KRTAP1-5: variants seen among roughly 807,000 people sequenced by gnomAD.
KRTAP1-5 encodes keratin-associated protein 1-5.
A neutral mutation model predicts 14.2 loss-of-function variants in KRTAP1-5; 10 were observed. The ratio of observed to expected loss-of-function variants is 0.70; its 90% CI spans 0.43 to 1.19. The LOEUF is 1.19. Among genes scored for constraint, KRTAP1-5 ranks in the 50% most tolerant of loss-of-function variants. The pLI is 0.00. For synonymous variants in KRTAP1-5, 107 were observed against 80.2 expected (o/e 1.33, Z -1.79); for missense variants, 234 against 223.5 (o/e 1.05, Z -0.30).
chr17:41,026,706 C>T lies in KRTAP1-5; in HGVS notation c.450G>A (p.Gln150=). 1.2e-6 allele frequency: 2 copies of T among 1,613,784 alleles called. No individual in the cohort carries two copies. The highest frequency in any genetic ancestry group is 1.7e-6 in the Non-Finnish European group (2 of 1,179,972). ...AGTAGGACGGGCGGCAGCAGGAGGC[C>T]TGGGCATGGTGCAGTTGGCAGCAGG... ...PPSCCQLHHA[Q]ASCCRPSYCG... The change falls in exon 1 of 1, where the codon CAG becomes CAA. Residue 150 remains glutamine (Q), a synonymous_variant. Transcript: ENST00000361883.
At chr17:41,026,769 G>T in the KRTAP1-5 span, 3 of 1,613,516 alleles carry the variant, frequency 1.9e-6, no homozygotes, top group Non-Finnish European at 2.5e-6. Flanking sequence ...AGGGGGGTAG[G>T]TAGGTGCCCT....
chr17:41,027,061 G>C lies in KRTAP1-5; in HGVS notation c.95C>G (p.Thr32Ser), dbSNP rs148449559. ...GCAGCTGCGTGGCTGGCAGCAGCTG[G>C]TCTCACAGCAGCTTGGCTGGCAGCA... ...SSCCQPSCCETSCCQPRSCQT... is the reference protein window; with the variant it reads ...SSCCQPSCCESSCCQPRSCQT... Residue 32 changes from threonine (T) to serine (S), a missense_variant, in exon 1 of 1, where the codon ACC becomes AGC. Transcript: ENST00000361883. The C allele has an allele frequency of 9.1e-4, 1,469 of 1,612,348 alleles. 15 individuals are homozygous for C. In the African/African-American group the frequency reaches 0.017, roughly 19 times the overall value.
chr17:41,026,890 C>T lies in KRTAP1-5; in HGVS notation c.266G>A (p.Ser89Asn), dbSNP rs777636765. The change falls in exon 1 of 1, where the codon AGC (serine) becomes AAC (asparagine). Residue 89 changes from serine to asparagine, a missense_variant. Transcript: ENST00000361883. ...AATGCCACAGCCAGTTCCGCAGGAG[C>T]TGATCTGGCAGCAGCTTGGCTGGCA... ...SCCQPSCCQISSCGTGCGIGG... is the reference protein window; with the variant it reads ...SCCQPSCCQINSCGTGCGIGG... The T allele has an allele frequency of 3.3e-5, 53 of 1,612,808 alleles. No homozygotes were observed. In the East Asian group the frequency reaches 1.2e-3, roughly 35 times the overall value.
chr17:41,026,605 G>A lies in KRTAP1-5; in HGVS notation c.*26C>T. ...ACAGTTCAGAGACACTGTGACCTAG[G>A]CAATTGAAAATAAGCAAACTGGCTT... On this transcript the variant is annotated 3_prime_UTR_variant, in exon 1 of 1. Transcript: ENST00000361883. 4 of 1,573,406 alleles carry A rather than the reference G, an allele frequency of 2.5e-6. No individual in the cohort carries two copies. Among genetic ancestry groups the A allele is most frequent in the Non-Finnish European group, 3.5e-6 (4 of 1,157,248 alleles).
chr17:41,026,763 GGGTA>G, the KRTAP1-5 span: 8 of 1,613,426 alleles, frequency 5.0e-6, no homozygotes, highest in African/African-American at 1.1e-4. Flanking sequence ...CACAGCAGGG[GGGTA>G]GGTAGGTGCC....
chr17:41,026,568 G>T lies in KRTAP1-5; in HGVS notation c.*63C>A. On this transcript the variant is annotated 3_prime_UTR_variant, in exon 1 of 1. Transcript: ENST00000361883. ...AGAACTTGTTAGTGGTCCAGAGGTG[G>T]TCAAGGGATGAACAGTTCAGAGACA... The T allele has an allele frequency of 1.3e-6, 2 of 1,525,194 alleles. No homozygotes were observed. Among genetic ancestry groups the T allele is most frequent in the Non-Finnish European group, 1.8e-6 (2 of 1,129,362 alleles). The allele number at this position is 1,525,194 out of a possible 1,614,324, so 94.5% of individuals were successfully genotyped here. A position where few individuals can be genotyped will look rare whatever the true frequency, so the allele number is the denominator to read the frequency against.
chr17:41,026,928 ACAGCAGCTTGGCTGG>A lies in KRTAP1-5; in HGVS notation c.213_227del (p.Gln72_Cys76del). 6.2e-7 allele frequency: 1 copy of A among 1,611,994 alleles called. No individual in the cohort carries two copies. Among genetic ancestry groups the A allele is most frequent in the Non-Finnish European group, 8.5e-7 (1 of 1,179,560 alleles). Reference sequence around the variant, plus strand: ...AGCTTGGCTGGCAGCAGCTGGTCTCACAGCAGCTTGGCTGGCAGCAGCTGGTCTCACAGCAGCTTG... The same window carrying A: ...AGCTTGGCTGGCAGCAGCTGGTCTCACAGCAGCTGGTCTCACAGCAGCTTG... On this transcript the variant is annotated inframe_deletion, in exon 1 of 1. Transcript: ENST00000361883.
At position 41,027,052 on chromosome 17, in the gene KRTAP1-5, C is replaced by T. The variant is rs62623375; in HGVS notation, c.104G>A (p.Cys35Tyr). The T allele has an allele frequency of 0.031, 50,310 of 1,613,340 alleles. 2,510 individuals carry two copies. Among genetic ancestry groups the T allele is most frequent in the East Asian group, 0.17 (7,744 of 44,822 alleles). Residue 35 changes from cysteine to tyrosine, a missense_variant, in exon 1 of 1, where the codon TGC (cysteine) becomes TAC (tyrosine). By Grantham distance (194) the Cys-to-Tyr change is radical. Transcript: ENST00000361883. ...GCTAGTCTGGCAGCTGCGTGGCTGGCAGCAGCTGGTCTCACAGCAGCTTGG... is the reference window on the plus strand; with the variant it reads ...GCTAGTCTGGCAGCTGCGTGGCTGGTAGCAGCTGGTCTCACAGCAGCTTGG... Reference protein sequence around the residue: ...CQPSCCETSCCQPRSCQTSFC... With the variant: ...CQPSCCETSCYQPRSCQTSFC...
rs1394009604 is a variant in KRTAP1-5 at position 41,026,463 on chromosome 17, G to C, written c.*168C>G. 1 of 708,040 alleles carries C rather than the reference G, an allele frequency of 1.4e-6. No homozygotes were observed. Among genetic ancestry groups the C allele is most frequent in the Non-Finnish European group, 2.3e-6 (1 of 437,012 alleles). The allele number at this position is 708,040 out of a possible 1,614,324, so 43.9% of individuals were successfully genotyped here. On this transcript the variant is annotated 3_prime_UTR_variant, in exon 1 of 1. Transcript: ENST00000361883. ...TCTGTGTCCCCAGTGAAGGGTCAAG[G>C]TATTCATTGTAGAATGGAATCAGAT...
chr17:41,026,717 G>A lies in KRTAP1-5; in HGVS notation c.439C>T (p.His147Tyr). 1 of 1,613,824 alleles carries A rather than the reference G, an allele frequency of 6.2e-7. No homozygotes were observed. ...SCTPPSCCQLHHAQASCCRPS... is the reference protein window; with the variant it reads ...SCTPPSCCQLYHAQASCCRPS... ...CGGCAGCAGGAGGCCTGGGCATGGT[G>A]CAGTTGGCAGCAGGATGGGGGCGTG... Residue 147 changes from histidine (H) to tyrosine (Y), a missense_variant, in exon 1 of 1, where the codon CAC (histidine) becomes TAC (tyrosine). His to Tyr is a moderately conservative substitution (Grantham distance 83). Transcript: ENST00000361883.
Position 41,026,659 on chromosome 17 carries a change from G to A in KRTAP1-5, c.497C>T (p.Pro166Leu), listed in dbSNP as rs1218161721. ...GCAAGTGGGCTCACAGCAGCAGACT[G>A]GGCGGCAGCAGGACTGTCCACAGTA... ...PSYCGQSCCR[P>L]VCCCEPTC Residue 166 changes from proline to leucine, a missense_variant, in exon 1 of 1, where the codon CCA (proline) becomes CTA (leucine). Physicochemically the swap from Pro to Leu is moderately conservative, Grantham distance 98. Coordinates refer to ENST00000361883, the MANE Select transcript of KRTAP1-5 (RefSeq NM_031957.2). 6.2e-7 allele frequency: 1 copy of A among 1,606,832 alleles called. No individual in the cohort carries two copies. The highest frequency in any genetic ancestry group is 8.5e-7 in the Non-Finnish European group (1 of 1,175,158).
Position 41,026,831 on chromosome 17 carries a change from T to G in KRTAP1-5, c.325A>C (p.Ser109Arg). The change falls in exon 1 of 1, where the codon AGT becomes CGT. Residue 109 changes from serine (S) to arginine (R), a missense_variant. Coordinates refer to ENST00000361883, the MANE Select transcript of KRTAP1-5 (RefSeq NM_031957.2). ...CTGATACGGGTGCTCACAGCTCCACTGCTGCCCTCCTGGCCATAGCTGATG... is the reference window on the plus strand; with the variant it reads ...CTGATACGGGTGCTCACAGCTCCACGGCTGCCCTCCTGGCCATAGCTGATG... ...GGISYGQEGS[S>R]GAVSTRIRWC... is the part of the protein sequence containing the mutation. 2 of 1,612,264 alleles carry G rather than the reference T, an allele frequency of 1.2e-6. No homozygotes were observed. Among genetic ancestry groups the G allele is most frequent in the Non-Finnish European group, 1.7e-6 (2 of 1,179,878 alleles).
Position 41,027,118 on chromosome 17 carries a change from C to A in KRTAP1-5, c.38G>T (p.Ser13Ile). ...CCQTSFCGYPSFSISGTCGSS... is the reference protein window; with the variant it reads ...CCQTSFCGYPIFSISGTCGSS... ...GCCACAGGTCCCACTGATGGAGAAGCTGGGATATCCACAGAAGCTGGTCTG... is the reference window on the plus strand; with the variant it reads ...GCCACAGGTCCCACTGATGGAGAAGATGGGATATCCACAGAAGCTGGTCTG... Residue 13 changes from serine (S) to isoleucine (I), a missense_variant, in exon 1 of 1, where the codon AGC becomes ATC. Ser to Ile is a moderately radical substitution (Grantham distance 142, BLOSUM62 -2). Transcript: ENST00000361883. 2 of 1,614,234 alleles carry A rather than the reference C, an allele frequency of 1.2e-6. No individual in the cohort carries two copies. The highest frequency in any genetic ancestry group is 1.7e-6 in the Non-Finnish European group (2 of 1,180,044).
chr17:41,026,775 G>C lies in KRTAP1-5; in HGVS notation c.381C>G (p.Gly127=). ...CCACACAGCAGGGGGGTAGGTAGGT[G>C]CCCTCCACACGACTGTCTGGGCGGC... ...RWCRPDSRVE[G]TYLPPCCVVS... is the part of the protein sequence containing the mutation. The change falls in exon 1 of 1, where the codon GGC becomes GGG. Residue 127 remains glycine, a synonymous_variant. Coordinates refer to ENST00000361883, the MANE Select transcript of KRTAP1-5 (RefSeq NM_031957.2). The C allele has an allele frequency of 6.2e-7, 1 of 1,613,442 alleles. No homozygotes were observed. Among genetic ancestry groups the C allele is most frequent in the Non-Finnish European group, 8.5e-7 (1 of 1,180,020 alleles).
chr17:41,026,325 G>C lies in KRTAP1-5; in HGVS notation c.*306C>G. The C allele has an allele frequency of 2.6e-6, 1 of 382,080 alleles. No individual in the cohort carries two copies. The highest frequency in any genetic ancestry group is 4.7e-6 in the Non-Finnish European group (1 of 213,930). The allele number at this position is 382,080 out of a possible 1,614,324, so 23.7% of individuals were successfully genotyped here. On this transcript the variant is annotated 3_prime_UTR_variant, in exon 1 of 1. Coordinates refer to ENST00000361883, the MANE Select transcript of KRTAP1-5 (RefSeq NM_031957.2). ...AAAGCATGGAAACATTAGACTTGTGGATAGTTCTCATGGATAAATTCCACA... is the reference window on the plus strand; with the variant it reads ...AAAGCATGGAAACATTAGACTTGTGCATAGTTCTCATGGATAAATTCCACA...
rs1173667508 is a variant in KRTAP1-5 at position 41,026,592 on chromosome 17, C to T, written c.*39G>A. On this transcript the variant is annotated 3_prime_UTR_variant, in exon 1 of 1. Coordinates refer to ENST00000361883, the MANE Select transcript of KRTAP1-5 (RefSeq NM_031957.2). ...GGTCAAGGGATGAACAGTTCAGAGACACTGTGACCTAGGCAATTGAAAATA... is the reference window on the plus strand; with the variant it reads ...GGTCAAGGGATGAACAGTTCAGAGATACTGTGACCTAGGCAATTGAAAATA... 9 of 1,563,788 alleles carry T rather than the reference C, an allele frequency of 5.8e-6. No individual in the cohort carries two copies. The highest frequency in any genetic ancestry group is 7.8e-6 in the Non-Finnish European group (9 of 1,152,132).
rs747775550 is a variant in KRTAP1-5, at chr17:41,026,831, T to C, written c.325A>G (p.Ser109Gly). 3.1e-6 allele frequency: 5 copies of C among 1,612,264 alleles called. No homozygotes were observed. Among genetic ancestry groups the C allele is most frequent in the Non-Finnish European group, 4.2e-6 (5 of 1,179,878 alleles). The change falls in exon 1 of 1, where the codon AGT becomes GGT. Residue 109 changes from serine (S) to glycine (G), a missense_variant. Physicochemically the swap from Ser to Gly is moderately conservative, Grantham distance 56. Coordinates refer to ENST00000361883, the MANE Select transcript of KRTAP1-5 (RefSeq NM_031957.2). ...GGISYGQEGS[S>G]GAVSTRIRWC... ...CTGATACGGGTGCTCACAGCTCCAC[T>C]GCTGCCCTCCTGGCCATAGCTGATG...
Position 41,026,422 on chromosome 17 carries a change from G to A in KRTAP1-5, c.*209C>T. 1 of 537,572 alleles carries A rather than the reference G, an allele frequency of 1.9e-6. No homozygotes were observed. The highest frequency in any genetic ancestry group is 3.3e-6 in the Non-Finnish European group (1 of 304,264). The allele number at this position is 537,572 out of a possible 1,614,324, so 33.3% of individuals were successfully genotyped here. A position where few individuals can be genotyped will look rare whatever the true frequency, so the allele number is the denominator to read the frequency against. On this transcript the variant is annotated 3_prime_UTR_variant, in exon 1 of 1. Transcript: ENST00000361883. ...TCCCAAGCAAATTGATGATCAGCAG[G>A]TGGCTTTGTAGCATTTCTGTGTCCC...
At position 41,026,900 on chromosome 17, in the gene KRTAP1-5, A is replaced by G; in HGVS notation, c.256T>C (p.Cys86Arg). The change falls in exon 1 of 1, where the codon TGC becomes CGC. Residue 86 changes from cysteine (C) to arginine (R), a missense_variant. Cys to Arg is a radical substitution (Grantham distance 180). Coordinates refer to ENST00000361883, the MANE Select transcript of KRTAP1-5 (RefSeq NM_031957.2). Reference sequence around the variant, plus strand: ...CCAGTTCCGCAGGAGCTGATCTGGCAGCAGCTTGGCTGGCAGCAGCTGGTC... The same window carrying G: ...CCAGTTCCGCAGGAGCTGATCTGGCGGCAGCTTGGCTGGCAGCAGCTGGTC... ...CETSCCQPSC[C>R]QISSCGTGCG... 1 of 1,612,024 alleles carries G rather than the reference A, an allele frequency of 6.2e-7. No individual in the cohort carries two copies. Among genetic ancestry groups the G allele is most frequent in the South Asian group, 1.1e-5 (1 of 90,986 alleles).
Sources: gnomAD v4.1 joint callset for allele counts on GRCh38, gnomAD v4.1.1 for gene constraint, MANE v1.5 for transcripts, NCBI Gene and HGNC (gene_info 2026-07-23, HGNC 2026-07-21) for gene names.